SCHIP1: variants seen among roughly 807,000 people sequenced by gnomAD.
SCHIP1 encodes the protein schwannomin-interacting protein 1.
In SCHIP1, 8 loss-of-function variants were observed where a neutral mutation model predicts 29.7. That is an observed-to-expected ratio of 0.27 (90% CI 0.16 to 0.49). SCHIP1 has a LOEUF of 0.49. Among genes scored for constraint, SCHIP1 ranks in the 20% least tolerant of loss-of-function variants. SCHIP1 has a pLI of 0.99. For missense variants in SCHIP1, 193 were observed against 294.6 expected (o/e 0.66, Z 2.52); for synonymous variants, 76 against 94.9 (o/e 0.80, Z 1.16).
chr3:159,500,121 A>G, the SCHIP1 span, among the ~76,000 whole-genome samples: 2 of 152,040 alleles, frequency 1.3e-5, no homozygotes, highest in Non-Finnish European at 1.5e-5. Context: ...CCACACTGCC[A>G]CTAAGTCCAG....
chr3:159,891,704 C>T (rs1285297026), intron 5 of SCHIP1, among the ~76,000 whole-genome samples: 1 of 152,186 alleles, frequency 6.6e-6, no homozygotes, highest in Non-Finnish European at 1.5e-5. Flanking sequence ...AGTAGTCAGG[C>T]TCCGAGGGGC....
chr3:159,479,457 G>C, the SCHIP1 span, among the ~76,000 whole-genome samples: 18 of 152,278 alleles, frequency 1.2e-4, no homozygotes, highest in South Asian at 3.5e-3. Flanking sequence ...TAGCCTTTAT[G>C]TCATGAGTTT....
chr3:159,619,082 G>A, the SCHIP1 span, among the ~76,000 whole-genome samples: 3 of 152,046 alleles, frequency 2.0e-5, no homozygotes. Flanking sequence ...TTTATACCAA[G>A]TCAACCATGG....
At chr3:159,545,640 A>G in the SCHIP1 span, among the ~76,000 whole-genome samples, 1 of 148,070 alleles carries the variant, frequency 6.8e-6, no homozygotes, top group Admixed American at 6.8e-5. Flanking sequence ...CAATATATAC[A>G]ATATACATAT....
chr3:159,506,242 G>C, the SCHIP1 span, among the ~76,000 whole-genome samples: 1 of 152,186 alleles, frequency 6.6e-6, no homozygotes, highest in Non-Finnish European at 1.5e-5. Context: ...ATTTTTTCAT[G>C]TGTCTTTTGG....
At chr3:159,853,056 T>C (rs1228116809) in intron 1 of SCHIP1, 1 of 232,030 alleles carries the variant, frequency 4.3e-6, no homozygotes, top group East Asian at 8.4e-5. Flanking sequence ...AAAGGTGCTG[T>C]GGAGAGGAAT....
the SCHIP1 span, among the ~76,000 whole-genome samples, chr3:159,627,876 C>T: frequency 0.043 from 6,589 of 152,178 alleles, 452 homozygotes; most frequent in African/African-American, 0.15. Context: ...TGGTTTTGGA[C>T]GGAAGGCAGC....
the SCHIP1 span, among the ~76,000 whole-genome samples, chr3:159,394,549 CT>C: frequency 1.3e-5 from 2 of 152,122 alleles, no homozygotes; most frequent in African/African-American, 2.4e-5. Context: ...TGTCAAAGGC[CT>C]TTTCTGCATC....
chr3:159,757,925 G>T, the SCHIP1 span, among the ~76,000 whole-genome samples: 1 of 152,138 alleles, frequency 6.6e-6, no homozygotes, highest in African/African-American at 2.4e-5. Flanking sequence ...TTGTGAAAAT[G>T]TTCCTCTTTG....
At chr3:159,683,595 A>G in the SCHIP1 span, among the ~76,000 whole-genome samples, 1 of 152,102 alleles carries the variant, frequency 6.6e-6, no homozygotes, top group African/African-American at 2.4e-5. Flanking sequence ...TTCCAATGCC[A>G]TCTCACTGTC....
At chr3:159,426,147 G>A in the SCHIP1 span, among the ~76,000 whole-genome samples, 2 of 151,884 alleles carry the variant, frequency 1.3e-5, no homozygotes, top group African/African-American at 4.8e-5. Context: ...AAAAGCAAGA[G>A]CAAACACATT....
At chr3:159,328,536 A>C in the SCHIP1 span, among the ~76,000 whole-genome samples, 32,482 of 152,080 alleles carry the variant, frequency 0.21, 3,575 homozygotes, top group Middle Eastern at 0.29. Context: ...CTTAAAAGAT[A>C]TGTAGTTTTA....
At chr3:159,653,298 T>C in the SCHIP1 span, among the ~76,000 whole-genome samples, 1 of 152,178 alleles carries the variant, frequency 6.6e-6, no homozygotes, top group Non-Finnish European at 1.5e-5. Context: ...CCTATGTTTA[T>C]TGCAGCACTA....
chr3:159,383,608 T>C, the SCHIP1 span, among the ~76,000 whole-genome samples: 22 of 135,084 alleles, frequency 1.6e-4, no homozygotes, highest in Admixed American at 2.3e-4. Context: ...TTTGGTTCCA[T>C]ATGAACTTTA....
the SCHIP1 span, among the ~76,000 whole-genome samples, chr3:159,679,449 A>G: frequency 1.2e-4 from 19 of 152,308 alleles, no homozygotes; most frequent in Non-Finnish European, 1.8e-4. Flanking sequence ...TACAGTGGGA[A>G]TTTCTATCCA....
chr3:159,689,699 G>T, the SCHIP1 span, among the ~76,000 whole-genome samples: 5 of 152,258 alleles, frequency 3.3e-5, no homozygotes, highest in South Asian at 1.0e-3. Context: ...AATGCTTCCA[G>T]CTTTTGCCCA....
At chr3:159,641,068 T>C in the SCHIP1 span, among the ~76,000 whole-genome samples, 1 of 152,146 alleles carries the variant, frequency 6.6e-6, no homozygotes, top group Non-Finnish European at 1.5e-5. Context: ...AACATTCTCA[T>C]AAATTTTTTT....
chr3:159,313,088 T>G, the SCHIP1 span, among the ~76,000 whole-genome samples: 1 of 152,244 alleles, frequency 6.6e-6, no homozygotes, highest in Admixed American at 6.5e-5. Context: ...GATTAGCAAC[T>G]ATGAAGCTAC....
At chr3:159,461,030 A>T in the SCHIP1 span, among the ~76,000 whole-genome samples, 2 of 152,128 alleles carry the variant, frequency 1.3e-5, no homozygotes, top group African/African-American at 2.4e-5. Context: ...CTTGAGGGCT[A>T]TGTAGCATTG....
Sources: gnomAD v4.1 joint callset for allele counts (sites outside exome capture counted in the v4.1 genomes callset) on GRCh38, gnomAD v4.1.1 for gene constraint, MANE v1.5 for transcripts, NCBI Gene and HGNC (gene_info 2026-07-23, HGNC 2026-07-21) for gene names.